The following PLD5 variants were observed in gnomAD, a reference collection of about 807,000 sequenced individuals.
PLD5 encodes phospholipase D family member 5, also known as inactive phospholipase D5.
In PLD5, 36 loss-of-function variants were observed where a neutral mutation model predicts 61.1. That is an observed-to-expected ratio of 0.59 (90% confidence interval 0.45 to 0.78). The LOEUF is 0.78. Ranked by LOEUF, PLD5 falls within the 30% of genes least tolerant of loss-of-function variation. The pLI is 0.00. For synonymous variants in PLD5, 243 were observed against 242.8 expected (o/e 1.00, Z -0.01); for missense variants, 515 against 644.4 (o/e 0.80, Z 2.17).
intron 1 of PLD5, among the ~76,000 whole-genome samples, chr1:242,419,292 G>C (rs887094135): frequency 1.3e-5 from 2 of 152,078 alleles, no homozygotes; most frequent in Non-Finnish European, 2.9e-5. Context: ...GGACACAAAA[G>C]TCATGGCAAA....
At chr1:242,375,076 T>C (rs1164522509) in intron 1 of PLD5, among the ~76,000 whole-genome samples, 1 of 152,174 alleles carries the variant, frequency 6.6e-6, no homozygotes. Flanking sequence ...CCTGCTCTCA[T>C]CTATCCTAAC....
chr1:242,219,230 C>T (rs867769725), intron 5 of PLD5, among the ~76,000 whole-genome samples: 4 of 152,248 alleles, frequency 2.6e-5, no homozygotes, highest in South Asian at 2.1e-4. Flanking sequence ...TAGAAAGGAA[C>T]ACTAATTTAA....
intron 1 of PLD5, among the ~76,000 whole-genome samples, chr1:242,392,031 A>T (rs1032962697): frequency 6.6e-6 from 1 of 152,226 alleles, no homozygotes; most frequent in Non-Finnish European, 1.5e-5. Flanking sequence ...AGTGGATTGG[A>T]TAAAGAAAAT....
intron 5 of PLD5, among the ~76,000 whole-genome samples, chr1:242,155,909 A>G (rs1405215769): frequency 6.6e-6 from 1 of 152,060 alleles, no homozygotes; most frequent in Non-Finnish European, 1.5e-5. Context: ...TATCCTTGTT[A>G]ATTTTCTGTC....
chr1:242,120,241 T>C (rs1662259861), intron 6 of PLD5, among the ~76,000 whole-genome samples: 1 of 152,194 alleles, frequency 6.6e-6, no homozygotes, highest in South Asian at 2.1e-4. Flanking sequence ...TAAAATCAGA[T>C]TGTAGAAATG....
intron 3 of PLD5, among the ~76,000 whole-genome samples, chr1:242,277,811 C>A (rs188739933): frequency 2.6e-5 from 4 of 152,012 alleles, no homozygotes; most frequent in Middle Eastern, 3.4e-3. Flanking sequence ...GGTGAAACCT[C>A]ATCTCTACTG....
At chr1:242,221,917 TC>T (rs1670614213) in intron 4 of PLD5, among the ~76,000 whole-genome samples, 1 of 152,100 alleles carries the variant, frequency 6.6e-6, no homozygotes, top group Non-Finnish European at 1.5e-5. Flanking sequence ...AGTACCCTAA[TC>T]TGGATGACTT....
In PLD5 at chr1:242,244,389, A is replaced by G. The variant is rs74150891; in HGVS notation, c.607+20948T>C. Among the ~76,000 whole-genome samples the G allele has an allele frequency of 8.9e-3, 1,361 of 152,320 alleles. 20 individuals are homozygous for G. The highest frequency in any genetic ancestry group is 0.031 in the African/African-American group (1,302 of 41,564). On this transcript the variant is annotated intron_variant, in intron 4 of 9. Transcript: ENST00000536534. ...TACACATGGGGACAAAGAGGAGACA[A>G]CACAAAGTAGTATCTAATTGAGTAA...
chr1:242,413,075 C>T (rs1253013435), intron 1 of PLD5, among the ~76,000 whole-genome samples: 1 of 152,118 alleles, frequency 6.6e-6, no homozygotes, highest in Non-Finnish European at 1.5e-5. Context: ...TGATATGAGC[C>T]TCACAAGTTC....
chr1:242,444,670 T>C (rs1395560464), intron 1 of PLD5, among the ~76,000 whole-genome samples: 2 of 21,858 alleles, frequency 9.1e-5, no homozygotes, highest in African/African-American at 3.0e-4. Flanking sequence ...AATTATACTA[T>C]ACATAATATA....
intron 2 of PLD5, among the ~76,000 whole-genome samples, chr1:242,322,347 C>G (rs543229584): frequency 6.6e-6 from 1 of 152,196 alleles, no homozygotes; most frequent in East Asian, 1.9e-4. Flanking sequence ...AGATATCTAC[C>G]TTTTTCAAGT....
intron 4 of PLD5, among the ~76,000 whole-genome samples, chr1:242,228,021 T>C (rs926653312): frequency 6.6e-6 from 1 of 152,232 alleles, no homozygotes; most frequent in Non-Finnish European, 1.5e-5. Context: ...AACACTAGTT[T>C]CTAGGTTAAA....
intron 5 of PLD5, among the ~76,000 whole-genome samples, chr1:242,133,423 G>A (rs1376765298): frequency 1.3e-5 from 2 of 152,136 alleles, no homozygotes; most frequent in Non-Finnish European, 2.9e-5. Flanking sequence ...CCCACTTTGT[G>A]GAGTATACTT....
intron 2 of PLD5, among the ~76,000 whole-genome samples, chr1:242,317,573 T>C (rs1485470733): frequency 6.6e-6 from 1 of 152,174 alleles, no homozygotes; most frequent in East Asian, 1.9e-4. Flanking sequence ...TCAGAATGAA[T>C]GGTGATTTTT....
At chr1:242,241,907 A>ACACTTACTG (rs1442174652) in intron 4 of PLD5, among the ~76,000 whole-genome samples, 1 of 44,516 alleles carries the variant, frequency 2.2e-5, no homozygotes, top group African/African-American at 9.6e-5. Context: ...ATATATATAT[A>ACACTTACTG]TATACTTACT....
chr1:242,165,508 A>T (rs1159493985), intron 5 of PLD5, among the ~76,000 whole-genome samples: 2 of 152,136 alleles, frequency 1.3e-5, no homozygotes, highest in Admixed American at 1.3e-4. Flanking sequence ...AGACTATGAA[A>T]AAAAGCATGT....
At chr1:242,181,145 T>C (rs1667492236) in intron 5 of PLD5, among the ~76,000 whole-genome samples, 2 of 152,072 alleles carry the variant, frequency 1.3e-5, no homozygotes, top group Admixed American at 6.5e-5. Context: ...TCACCTGGGG[T>C]GATTTGAATT....
Position 242,469,919 on chromosome 1 carries a change from C to A in PLD5, c.189+54169G>T, listed in dbSNP as rs552493202. On this transcript the variant is annotated intron_variant, in intron 1 of 9. Coordinates refer to ENST00000536534, the MANE Select transcript of PLD5 (RefSeq NM_001372062.1). ...AAAGCAAAATCACCAGCATAGTATA[C>A]AGATAACAAAGCTTATCTGAGGCTA... 4.6e-5 allele frequency among the ~76,000 whole-genome samples: 7 copies of A among 152,278 alleles called. No individual in the cohort carries two copies. The South Asian group carries it at 1.0e-3, about 23-fold the overall frequency.
intron 1 of PLD5, among the ~76,000 whole-genome samples, chr1:242,489,943 G>C (rs984102252): frequency 6.6e-6 from 1 of 152,246 alleles, no homozygotes; most frequent in Non-Finnish European, 1.5e-5. Flanking sequence ...TTGAAAGGAT[G>C]AAGCTTCTTT....
Sources: gnomAD v4.1 joint callset for allele counts (sites outside exome capture counted in the v4.1 genomes callset) on GRCh38, gnomAD v4.1.1 for gene constraint, MANE v1.5 for transcripts, NCBI Gene and HGNC (gene_info 2026-07-23, HGNC 2026-07-21) for gene names.